The following VIRMA variants were observed in gnomAD, a reference collection of about 807,000 sequenced individuals.
The protein encoded by VIRMA is protein virilizer homolog.
Under a neutral mutation model 182.4 loss-of-function variants are expected in VIRMA, and 65 were observed. That is an observed-to-expected ratio of 0.36 (90% confidence interval 0.29 to 0.44). The LOEUF (loss-of-function observed/expected upper bound fraction) is 0.44, where lower values mean the gene tolerates loss of function less well. Ranked by LOEUF, VIRMA falls within the 20% of genes least tolerant of loss-of-function variation. The probability of loss-of-function intolerance (pLI) is 1.00; values close to 1 mark genes in which losing one functional copy is unlikely to be tolerated. For synonymous variants in VIRMA, 709 were observed against 743.1 expected, an observed-to-expected ratio of 0.95 and a Z score of 0.75; for missense variants, 1,752 against 2,158.1, an observed-to-expected ratio of 0.81 and a Z score of 3.73.
chr8:94,498,870 G>C (rs1198503782), intron 17 of VIRMA: 2 of 152,446 alleles, frequency 1.3e-5, no homozygotes, highest in African/African-American at 4.8e-5. Context: ...CTAAGATCAG[G>C]AGTTCAAGAC....
At chr8:94,534,813 T>C in intron 5 of VIRMA, 26 bp downstream of exon 5, 2 of 1,610,304 alleles carry the variant, frequency 1.2e-6, no homozygotes, top group Non-Finnish European at 1.7e-6. Context: ...AAGTTTCACT[T>C]GCAAAAGCAA....
At chr8:94,530,658 T>C (rs923930771) in intron 6 of VIRMA, among the ~76,000 whole-genome samples, 5 of 152,234 alleles carry the variant, frequency 3.3e-5, no homozygotes, top group Admixed American at 3.3e-4. Flanking sequence ...GGCTTATGCC[T>C]ATAATCCTAA....
chr8:94,542,307 G>C (rs1285121058), intron 2 of VIRMA, among the ~76,000 whole-genome samples: 1 of 152,196 alleles, frequency 6.6e-6, no homozygotes, highest in African/African-American at 2.4e-5. Flanking sequence ...AAGAAGCCAT[G>C]TCATGACACG....
chr8:94,506,355 C>A, intron 16 of VIRMA, 145 bp downstream of exon 16: 1 of 578,508 alleles, frequency 1.7e-6, no homozygotes, highest in Non-Finnish European at 3.0e-6. Context: ...GCTAATTAAT[C>A]TTTTCCATAC....
Position 94,519,507 on chromosome 8 carries a change from T to C in VIRMA, c.2022-31A>G, listed in dbSNP as rs2130329967. ...GAAGAGTTAATTGATACATGTCAAG[T>C]CAGTGCAAAGCATTCTTCATTTACT... On this transcript the variant is annotated intron_variant, in intron 8 of 23. Transcript: ENST00000297591. 5 of 1,515,926 alleles carry C rather than the reference T, an allele frequency of 3.3e-6. No individual in the cohort carries two copies. The East Asian group carries it at 1.1e-4, about 34-fold the overall frequency. The allele number at this position is 1,515,926 out of a possible 1,614,324, so 93.9% of individuals were successfully genotyped here.
chr8:94,548,655 T>TTATG (rs1453563465), intron 1 of VIRMA, among the ~76,000 whole-genome samples: 1 of 144,700 alleles, frequency 6.9e-6, no homozygotes, highest in Admixed American at 6.7e-5. Flanking sequence ...TATTTTTTTA[T>TTATG]TATTTATTTA....
chr8:94,533,059 T>C (rs1815224626), intron 5 of VIRMA, among the ~76,000 whole-genome samples: 1 of 151,774 alleles, frequency 6.6e-6, no homozygotes, highest in Non-Finnish European at 1.5e-5. Context: ...ATCAGTAAAT[T>C]GAACAAATTT....
chr8:94,541,530 C>T (rs1041584076), intron 2 of VIRMA, among the ~76,000 whole-genome samples: 4 of 151,948 alleles, frequency 2.6e-5, no homozygotes, highest in South Asian at 4.1e-4. Context: ...CTTTCAGATT[C>T]GGTCTTCCTG....
At chr8:94,548,903 T>C (rs551109941) in intron 1 of VIRMA, among the ~76,000 whole-genome samples, 2 of 152,234 alleles carry the variant, frequency 1.3e-5, no homozygotes, top group South Asian at 4.1e-4. Context: ...GTGATCCCCC[T>C]GCCTCAGCCT....
Position 94,507,205 on chromosome 8 carries a change from G to A in VIRMA, c.3880-488C>T, listed in dbSNP as rs180908430. ...GGCTGGAGTACAATGGCATGATCTCGGCTCACTGCAACCTTCGCCTCCCAG... is the reference window on the plus strand; with the variant it reads ...GGCTGGAGTACAATGGCATGATCTCAGCTCACTGCAACCTTCGCCTCCCAG... On this transcript the variant is annotated intron_variant, in intron 15 of 23. Transcript: ENST00000297591. Among the ~76,000 whole-genome samples, 76 of 149,744 alleles carry A rather than the reference G, an allele frequency of 5.1e-4. 1 individual carries two copies. In the East Asian group the frequency reaches 0.014, roughly 27 times the overall value.
In VIRMA at chr8:94,526,987, T is replaced by C. The variant is rs1814994350; in HGVS notation, c.1257A>G (p.Gln419=). 14 of 1,614,256 alleles carry C rather than the reference T, an allele frequency of 8.7e-6. No homozygotes were observed. Among genetic ancestry groups the C allele is most frequent in the African/African-American group, 1.3e-5 (1 of 75,072 alleles). The change falls in exon 8 of 24, where the codon CAA becomes CAG. Residue 419 remains glutamine, a synonymous_variant. Coordinates refer to ENST00000297591, the MANE Select transcript of VIRMA (RefSeq NM_015496.5). ...SLIIKGLSYL[Q]LKNTKQDSLG... is the part of the protein sequence containing the mutation. The stretch of plus-strand genomic sequence containing the variant: ...GGGAGTCTTGTTTTGTGTTTTTCAA[T>C]TGCAAATAGCTTAACCCTTTTATTA...
chr8:94,518,026 T>G (rs1255599500), intron 9 of VIRMA, 84 bp from the exon 10 acceptor site: 7 of 969,092 alleles, frequency 7.2e-6, no homozygotes, highest in Non-Finnish European at 1.1e-5. Context: ...CTACTTGGCT[T>G]TAAAGAGATC....
chr8:94,493,539 A>C (rs1299180731), intron 20 of VIRMA, among the ~76,000 whole-genome samples: 2 of 152,234 alleles, frequency 1.3e-5, no homozygotes, highest in East Asian at 3.8e-4. Context: ...CAATTGTACA[A>C]CAGGCACATG....
At chr8:94,535,113 T>G in intron 4 of VIRMA, 106 bp from the exon 5 acceptor site, 3 of 1,470,344 alleles carry the variant, frequency 2.0e-6, no homozygotes, top group Non-Finnish European at 2.7e-6. Flanking sequence ...TCTTTAAAAG[T>G]ATGCTGAAAA....
Position 94,511,463 on chromosome 8 carries a change from C to A in VIRMA, c.3112G>T (p.Val1038Phe). The A allele has an allele frequency of 6.2e-7, 1 of 1,614,098 alleles. No individual in the cohort carries two copies. Among genetic ancestry groups the A allele is most frequent in the Non-Finnish European group, 8.5e-7 (1 of 1,180,004 alleles). Reference sequence around the variant, plus strand: ...GAGCACAGGAGCATATGTAAAGTAACAAGCGCTGAAGGAACACGCATGTCC... The same window carrying A: ...GAGCACAGGAGCATATGTAAAGTAAAAAGCGCTGAAGGAACACGCATGTCC... ...FKDMRVPSALVTLHMLLCSIP... is the reference protein window; with the variant it reads ...FKDMRVPSALFTLHMLLCSIP... Residue 1038 changes from valine to phenylalanine, a missense_variant, in exon 13 of 24, where the codon GTT (valine) becomes TTT (phenylalanine). Val to Phe is a conservative substitution (Grantham distance 50). This residue lies in a region of VIRMA where 777 missense variants were observed against 920.6 expected (regional missense o/e 0.84). Coordinates refer to ENST00000297591, the MANE Select transcript of VIRMA (RefSeq NM_015496.5).
In VIRMA at chr8:94,543,962, G is replaced by A. The variant is rs28480604; in HGVS notation, c.64-20C>T. ...ACTTTGCTGTAACAAAAAAAAAGCC[G>A]GAGGGGGAGGGGTTCGGAACATTAT... On this transcript the variant is annotated intron_variant, in intron 1 of 23. Transcript: ENST00000297591. 0.045 allele frequency: 57,992 copies of A among 1,277,216 alleles called. 1,442 individuals carry two copies. Among genetic ancestry groups the A allele is most frequent in the Non-Finnish European group, 0.052 (45,968 of 882,626 alleles). The allele number at this position is 1,277,216 out of a possible 1,614,324, so 79.1% of individuals were successfully genotyped here.
intron 10 of VIRMA, among the ~76,000 whole-genome samples, chr8:94,515,230 G>A (rs1814520855): frequency 1.3e-5 from 2 of 151,752 alleles, no homozygotes; most frequent in East Asian, 3.9e-4. Flanking sequence ...CCGAGTAGCT[G>A]GGATTACAGG....
chr8:94,535,849 C>T (rs1394037840), intron 4 of VIRMA, among the ~76,000 whole-genome samples: 4 of 152,162 alleles, frequency 2.6e-5, no homozygotes, highest in African/African-American at 9.6e-5. Flanking sequence ...AAACTTTCTC[C>T]TAAAAAGATT....
intron 5 of VIRMA, among the ~76,000 whole-genome samples, chr8:94,533,207 A>G (rs942026507): frequency 7.9e-5 from 12 of 151,982 alleles, no homozygotes; most frequent in Non-Finnish European, 1.3e-4. Flanking sequence ...GACTGAAAGA[A>G]AAAGAAAACT....
Sources: gnomAD v4.1 joint callset for allele counts (sites outside exome capture counted in the v4.1 genomes callset) on GRCh38, gnomAD v4.1.1 for gene constraint, gnomAD v4.1.1 regional missense constraint, MANE v1.5 for transcripts, NCBI Gene and HGNC (gene_info 2026-07-23, HGNC 2026-07-21) for gene names.